Variants in B3GALT1 observed in about 807,000 individuals in gnomAD.
B3GALT1 encodes the protein UDP-Gal:betaGlcNAc beta 1,3-galactosyltransferase, polypeptide 1.
Under a neutral mutation model 23.2 loss-of-function variants are expected in B3GALT1, and 10 were observed. The observed-to-expected ratio is 0.43, with a 90% confidence interval of 0.27 to 0.73. The LOEUF (loss-of-function observed/expected upper bound fraction) is 0.73, where lower values mean the gene tolerates loss of function less well. Among genes scored for constraint, B3GALT1 ranks in the 30% least tolerant of loss-of-function variants. The probability of loss-of-function intolerance (pLI) is 0.21; values close to 1 mark genes in which losing one functional copy is unlikely to be tolerated. For synonymous variants in B3GALT1, 156 were observed against 141.5 expected (o/e 1.10, Z -0.73); for missense variants, 299 against 405.4 (o/e 0.74, Z 2.25).
intron 2 of B3GALT1, among the ~76,000 whole-genome samples, chr2:167,575,156 T>C (rs1273426197): frequency 6.6e-6 from 1 of 151,782 alleles, no homozygotes; most frequent in African/African-American, 2.4e-5. Context: ...ATGAAATAAG[T>C]AATACATGTA....
chr2:167,378,882 T>C (rs1697802208), intron 1 of B3GALT1, among the ~76,000 whole-genome samples: 1 of 152,194 alleles, frequency 6.6e-6, no homozygotes, highest in Admixed American at 6.5e-5. Context: ...GTGGTGCCAC[T>C]ACATTCAGAT....
chr2:167,469,331 A>T (rs1204722873), intron 1 of B3GALT1, among the ~76,000 whole-genome samples: 1 of 152,224 alleles, frequency 6.6e-6, no homozygotes, highest in Non-Finnish European at 1.5e-5. Flanking sequence ...TTATGGGATT[A>T]TTATGAGGAT....
chr2:167,380,903 T>C (rs1697839225), intron 1 of B3GALT1, among the ~76,000 whole-genome samples: 1 of 152,164 alleles, frequency 6.6e-6, no homozygotes, highest in Admixed American at 6.5e-5. Flanking sequence ...ATCTGGGGTG[T>C]CTTTGACAAT....
intron 3 of B3GALT1, among the ~76,000 whole-genome samples, chr2:167,745,745 G>A (rs1687642560): frequency 1.3e-5 from 2 of 151,972 alleles, no homozygotes; most frequent in African/African-American, 2.4e-5. Flanking sequence ...CTGGATATGT[G>A]TAGCTGTAGA....
At chr2:167,830,943 G>A (rs1360453847) in intron 4 of B3GALT1, among the ~76,000 whole-genome samples, 1 of 152,202 alleles carries the variant, frequency 6.6e-6, no homozygotes, top group Non-Finnish European at 1.5e-5. Flanking sequence ...AAGAACATGG[G>A]TGAGCCTCTG....
At chr2:167,595,596 A>G (rs1459229392) in intron 2 of B3GALT1, among the ~76,000 whole-genome samples, 1 of 152,220 alleles carries the variant, frequency 6.6e-6, no homozygotes. Flanking sequence ...TCAGAGTACC[A>G]TGGCAACCCC....
chr2:167,580,653 A>T (rs981311674), intron 2 of B3GALT1, among the ~76,000 whole-genome samples: 2 of 152,138 alleles, frequency 1.3e-5, no homozygotes, highest in Non-Finnish European at 2.9e-5. Flanking sequence ...TGGAAATTTC[A>T]CTGATTTTCA....
At chr2:167,529,062 A>G (rs1046719352) in intron 2 of B3GALT1, among the ~76,000 whole-genome samples, 33 of 152,074 alleles carry the variant, frequency 2.2e-4, no homozygotes, top group African/African-American at 7.5e-4. Flanking sequence ...GTAGTCTCCC[A>G]TCTCACTGAA....
intron 1 of B3GALT1, among the ~76,000 whole-genome samples, chr2:167,383,801 A>T (rs559432805): frequency 6.6e-6 from 1 of 152,344 alleles, no homozygotes; most frequent in Admixed American, 6.5e-5. Context: ...AGCCGTTTGC[A>T]ATATAAACTT....
intron 2 of B3GALT1, among the ~76,000 whole-genome samples, chr2:167,630,692 T>G (rs764702277): frequency 4.6e-5 from 7 of 151,696 alleles, no homozygotes; most frequent in Non-Finnish European, 7.4e-5. Context: ...AAAATGTTGA[T>G]AATTTTAATC....
At chr2:167,699,621 GTTA>G (rs1416622939) in intron 3 of B3GALT1, among the ~76,000 whole-genome samples, 1 of 151,948 alleles carries the variant, frequency 6.6e-6, no homozygotes, top group Non-Finnish European at 1.5e-5. Context: ...ATTACTTTTA[GTTA>G]TTATAGCATC....
intron 3 of B3GALT1, among the ~76,000 whole-genome samples, chr2:167,750,476 G>T (rs1687718042): frequency 6.6e-6 from 1 of 152,092 alleles, no homozygotes; most frequent in Admixed American, 6.6e-5. Flanking sequence ...GCCTAGAAAA[G>T]CCAAGTTTTG....
intron 3 of B3GALT1, among the ~76,000 whole-genome samples, chr2:167,730,253 A>G (rs1045233176): frequency 1.3e-5 from 2 of 152,042 alleles, no homozygotes; most frequent in African/African-American, 4.8e-5. Flanking sequence ...ATTTTTTTTC[A>G]AGGTTGAATG....
At chr2:167,796,251 G>A (rs894426782) in intron 3 of B3GALT1, among the ~76,000 whole-genome samples, 2 of 152,088 alleles carry the variant, frequency 1.3e-5, no homozygotes, top group African/African-American at 4.8e-5. Context: ...GTGGCCATTC[G>A]TGACAATAAT....
intron 1 of B3GALT1, among the ~76,000 whole-genome samples, chr2:167,360,676 A>T (rs1012960990): frequency 3.3e-5 from 5 of 152,208 alleles, no homozygotes; most frequent in African/African-American, 1.2e-4. Context: ...ATATGTAATG[A>T]TCAAAGCAGG....
In B3GALT1 at chr2:167,614,292, C is replaced by A. The variant is rs902406033; in HGVS notation, c.-409-32617C>A. ...ATAGCAAAGAAAATGAAAAAAAAAA[C>A]CCATTCAATTTAAAATAACTTGACA... On this transcript the variant is annotated intron_variant, in intron 2 of 4. Coordinates refer to ENST00000392690, the MANE Select transcript of B3GALT1 (RefSeq NM_020981.4). 2.2e-4 allele frequency among the ~76,000 whole-genome samples: 33 copies of A among 147,760 alleles called. No homozygotes were observed. In the East Asian group the frequency reaches 3.4e-3, roughly 15 times the overall value.
intron 1 of B3GALT1, among the ~76,000 whole-genome samples, chr2:167,308,681 G>T (rs918223497): frequency 6.6e-6 from 1 of 151,798 alleles, no homozygotes; most frequent in African/African-American, 2.4e-5. Context: ...TTTTTAAAAG[G>T]CTCATTTCCT....
intron 2 of B3GALT1, among the ~76,000 whole-genome samples, chr2:167,513,575 A>G (rs1700059947): frequency 6.6e-6 from 1 of 152,292 alleles, no homozygotes; most frequent in South Asian, 2.1e-4. Context: ...TTATGTTGAA[A>G]AGAAGTGAAA....
chr2:167,432,650 C>T (rs754400132), intron 1 of B3GALT1, among the ~76,000 whole-genome samples: 13 of 152,130 alleles, frequency 8.5e-5, no homozygotes, highest in Non-Finnish European at 1.8e-4. Context: ...TCTTATCAGG[C>T]ATAGATAGTC....
Sources: gnomAD v4.1 joint callset for allele counts (sites outside exome capture counted in the v4.1 genomes callset) on GRCh38, gnomAD v4.1.1 for gene constraint, MANE v1.5 for transcripts, NCBI Gene and HGNC (gene_info 2026-07-23, HGNC 2026-07-21) for gene names.